Variants in ARK2C observed in about 807,000 individuals in gnomAD.
ARK2C encodes E3 ubiquitin-protein ligase ARK2C.
chr18:46,407,605 T>C, the ARK2C span, among the ~76,000 whole-genome samples: 149 of 152,300 alleles, frequency 9.8e-4, no homozygotes, highest in Non-Finnish European at 1.8e-3. Flanking sequence ...TAATCCCTTC[T>C]AATGCAGAGG....
the ARK2C span, among the ~76,000 whole-genome samples, chr18:46,352,344 A>G: frequency 6.6e-6 from 1 of 152,338 alleles, no homozygotes; most frequent in Non-Finnish European, 1.5e-5. Context: ...TATATTGGGT[A>G]CACATCATCC....
At chr18:46,400,079 C>A in the ARK2C span, among the ~76,000 whole-genome samples, 48 of 152,320 alleles carry the variant, frequency 3.2e-4, no homozygotes, top group Admixed American at 1.3e-3. Flanking sequence ...GGGACCCCCA[C>A]GGTACCTCTT....
the ARK2C span, among the ~76,000 whole-genome samples, chr18:46,355,801 AT>A: frequency 6.6e-6 from 1 of 152,224 alleles, no homozygotes; most frequent in South Asian, 2.1e-4. Flanking sequence ...AGCTTTGCAC[AT>A]GATCCAAAGC....
chr18:46,337,451 A>T, the ARK2C span: 1 of 985,158 alleles, frequency 1.0e-6, no homozygotes, highest in Admixed American at 6.2e-5. Flanking sequence ...TCGGTTAGAG[A>T]TGTTACCCTG....
At chr18:46,401,815 AG>A in the ARK2C span, among the ~76,000 whole-genome samples, 5 of 152,230 alleles carry the variant, frequency 3.3e-5, no homozygotes, top group Admixed American at 2.0e-4. Context: ...CAAATAGGGT[AG>A]GAAGGCACCT....
chr18:46,388,713 A>G, the ARK2C span, among the ~76,000 whole-genome samples: 1 of 152,160 alleles, frequency 6.6e-6, no homozygotes, highest in Non-Finnish European at 1.5e-5. Flanking sequence ...AATCCTAGAC[A>G]ACAGGAAAAA....
chr18:46,377,593 G>A, the ARK2C span, among the ~76,000 whole-genome samples: 3 of 152,160 alleles, frequency 2.0e-5, no homozygotes, highest in Admixed American at 6.5e-5. Flanking sequence ...TTGAGCTAGG[G>A]AGCCAGGGAG....
the ARK2C span, among the ~76,000 whole-genome samples, chr18:46,411,042 G>A: frequency 6.6e-6 from 1 of 152,242 alleles, no homozygotes; most frequent in African/African-American, 2.4e-5. Flanking sequence ...AAAGTGACAG[G>A]TGTCATAGAC....
chr18:46,449,868 G>A, the ARK2C span, among the ~76,000 whole-genome samples: 3 of 152,112 alleles, frequency 2.0e-5, no homozygotes, highest in African/African-American at 7.2e-5. Context: ...AAACCAAAAG[G>A]TGAAGGGAAT....
At chr18:46,337,438 C>T in the ARK2C span, 11 of 985,310 alleles carry the variant, frequency 1.1e-5, no homozygotes, top group Non-Finnish European at 1.2e-5. Flanking sequence ...CAATGTACAG[C>T]GCTCGGTTAG....
the ARK2C span, among the ~76,000 whole-genome samples, chr18:46,453,788 A>C: frequency 6.6e-6 from 1 of 152,058 alleles, no homozygotes; most frequent in Non-Finnish European, 1.5e-5. Context: ...AAAAACTAGA[A>C]AGAGATATGA....
chr18:46,452,400 C>T, the ARK2C span, among the ~76,000 whole-genome samples: 38 of 152,148 alleles, frequency 2.5e-4, no homozygotes, highest in Admixed American at 7.2e-4. Flanking sequence ...CCACGTCAGC[C>T]TCCCAAGCAG....
At chr18:46,427,490 C>T in the ARK2C span, among the ~76,000 whole-genome samples, 2 of 152,238 alleles carry the variant, frequency 1.3e-5, no homozygotes, top group Non-Finnish European at 2.9e-5. Flanking sequence ...GGGGAGGCTC[C>T]ACCAGGGCCC....
the ARK2C span, among the ~76,000 whole-genome samples, chr18:46,445,133 G>A: frequency 6.6e-6 from 1 of 151,994 alleles, no homozygotes; most frequent in Non-Finnish European, 1.5e-5. Flanking sequence ...ATGAATAATT[G>A]TGGATTATAC....
At chr18:46,458,085 C>G in the ARK2C span, 1 of 152,292 alleles carries the variant, frequency 6.6e-6, no homozygotes, top group African/African-American at 2.4e-5. Flanking sequence ...ATTTCCGGTC[C>G]TGCTACCTCA....
the ARK2C span, among the ~76,000 whole-genome samples, chr18:46,384,189 C>T: frequency 2.6e-5 from 4 of 152,310 alleles, no homozygotes; most frequent in African/African-American, 9.6e-5. Context: ...AGCCCAACCT[C>T]ATCTACTGGG....
the ARK2C span, among the ~76,000 whole-genome samples, chr18:46,413,653 G>A: frequency 1.3e-5 from 2 of 152,074 alleles, no homozygotes; most frequent in African/African-American, 2.4e-5. Context: ...CCAGGGCAAA[G>A]GGGTGGGAGA....
the ARK2C span, among the ~76,000 whole-genome samples, chr18:46,346,170 G>A: frequency 5.9e-5 from 9 of 152,194 alleles, no homozygotes; most frequent in Non-Finnish European, 8.8e-5. Flanking sequence ...AGATCCTCAA[G>A]TGTGCCAGGC....
the ARK2C span, among the ~76,000 whole-genome samples, chr18:46,424,917 C>T: frequency 2.0e-5 from 3 of 152,218 alleles, no homozygotes; most frequent in Non-Finnish European, 4.4e-5. Flanking sequence ...GGCTGGCTTT[C>T]TTTGCTGCTT....
Sources: gnomAD v4.1 joint callset for allele counts (sites outside exome capture counted in the v4.1 genomes callset) on GRCh38, gnomAD v4.1.1 for gene constraint, MANE v1.5 for transcripts, NCBI Gene and HGNC (gene_info 2026-07-23, HGNC 2026-07-21) for gene names.